The following ZP2 variants were observed in gnomAD, a reference collection of about 807,000 sequenced individuals.
ZP2 encodes zona pellucida glycoprotein 2.
In ZP2, 51 loss-of-function variants were observed where a neutral mutation model predicts 84.0. The observed-to-expected ratio is 0.61, with a 90% confidence interval of 0.49 to 0.77. ZP2 has a LOEUF of 0.77. Ranked by LOEUF, ZP2 falls within the 30% of genes least tolerant of loss-of-function variation. The probability of loss-of-function intolerance (pLI) is 0.00; values close to 1 mark genes in which losing one functional copy is unlikely to be tolerated. For synonymous variants in ZP2, 375 were observed against 330.9 expected, an observed-to-expected ratio of 1.13 and a Z score of -1.45; for missense variants, 909 against 911.9, an observed-to-expected ratio of 1.00 and a Z score of 0.04.
At position 21,210,124 on chromosome 16, in the gene ZP2, G is replaced by A; in HGVS notation, c.220C>T (p.His74Tyr). 6.2e-7 allele frequency: 1 copy of A among 1,613,988 alleles called. No homozygotes were observed. The highest frequency in any genetic ancestry group is 8.5e-7 in the Non-Finnish European group (1 of 1,179,934). Reference protein sequence around the residue: ...FPSSPGTKKWHASVVDPLGLD... With the variant: ...FPSSPGTKKWYASVVDPLGLD... ...CGTTACCTACCCACCACAGATGCAT[G>A]CCATTTCTTGGTGCCAGGACTGCTT... The change falls in exon 3 of 19, where the codon CAT becomes TAT. Residue 74 changes from histidine (H) to tyrosine (Y), a missense_variant. Coordinates refer to ENST00000574091, the MANE Select transcript of ZP2 (RefSeq NM_001376232.1).
At chr16:21,199,488 C>A in intron 16 of ZP2, 82 bp downstream of exon 16, 1 of 1,237,474 alleles carries the variant, frequency 8.1e-7, no homozygotes, top group Non-Finnish European at 1.1e-6. Context: ...ATGAGTTATA[C>A]CAGTCCTTAA....
At chr16:21,210,488 G>C (rs757510193) in intron 2 of ZP2, among the ~76,000 whole-genome samples, 1 of 152,154 alleles carries the variant, frequency 6.6e-6, no homozygotes, top group East Asian at 1.9e-4. Flanking sequence ...GCAGATGGAG[G>C]CAGGCCCGAA....
chr16:21,213,940 T>G (rs2152857300), upstream of ZP2, among the ~76,000 whole-genome samples: 1 of 152,012 alleles, frequency 6.6e-6, no homozygotes, highest in Non-Finnish European at 1.5e-5. Flanking sequence ...CTCAGAGCCC[T>G]ATTGAGAAGG....
chr16:21,209,510 C>T (rs1274450703), intron 4 of ZP2, 121 bp downstream of exon 4: 10 of 788,890 alleles, frequency 1.3e-5, no homozygotes, highest in Non-Finnish European at 1.9e-5. Flanking sequence ...ACACGAGACA[C>T]CACCCCCTTG....
chr16:21,208,091 C>T (rs1454958538), intron 4 of ZP2, among the ~76,000 whole-genome samples: 1 of 152,100 alleles, frequency 6.6e-6, no homozygotes, highest in Non-Finnish European at 1.5e-5. Flanking sequence ...GTGTTGCATG[C>T]CTGTAGCCCC....
In ZP2 at chr16:21,208,373, T is replaced by C. The variant is rs551924206; in HGVS notation, c.330+1258A>G. Among the ~76,000 whole-genome samples the C allele has an allele frequency of 3.9e-5, 6 of 152,294 alleles. No individual in the cohort carries two copies. In the East Asian group the frequency reaches 7.7e-4, roughly 20 times the overall value. ...GAAGGACCTATGATTACTTCATTGA[T>C]TGATCACAGAGGGCTTTAGGGGACC... On this transcript the variant is annotated intron_variant, in intron 4 of 18. Coordinates refer to ENST00000574091, the MANE Select transcript of ZP2 (RefSeq NM_001376232.1).
At chr16:21,199,546 G>A in intron 16 of ZP2, 24 bp downstream of exon 16, 1 of 1,546,484 alleles carries the variant, frequency 6.5e-7, no homozygotes, top group Non-Finnish European at 8.7e-7. Context: ...TAGACTCACA[G>A]AAACAGGAAT....
intron 16 of ZP2, among the ~76,000 whole-genome samples, 158 bp downstream of exon 16, chr16:21,199,412 C>T (rs16971214): frequency 0.092 from 13,854 of 150,058 alleles, 1,429 homozygotes; most frequent in African/African-American, 0.25. Flanking sequence ...AGACCTGTCA[C>T]ATGAGTAAGG....
intron 8 of ZP2, 34 bp from the exon 9 acceptor site, chr16:21,204,245 G>A: frequency 1.9e-6 from 3 of 1,613,924 alleles, no homozygotes; most frequent in Non-Finnish European, 1.7e-6. Context: ...CCCATTACCA[G>A]CCTTGATTAA....
chr16:21,211,154 G>A (rs1048428117), intron 2 of ZP2, among the ~76,000 whole-genome samples, 153 bp downstream of exon 2: 2 of 152,134 alleles, frequency 1.3e-5, no homozygotes, highest in Non-Finnish European at 2.9e-5. Context: ...GAGTCTACAG[G>A]TTAGCAGAAG....
At chr16:21,206,693 G>T in intron 5 of ZP2, 145 bp downstream of exon 5, 1 of 1,074,430 alleles carries the variant, frequency 9.3e-7, no homozygotes. Flanking sequence ...AAAGCCTCAG[G>T]GTAAAGTTAA....
At position 21,207,276 on chromosome 16, in the gene ZP2, A is replaced by G. The variant is rs74597218; in HGVS notation, c.331-286T>C. 6.0e-3 allele frequency among the ~76,000 whole-genome samples: 913 copies of G among 152,136 alleles called. 10 individuals are homozygous for G. Among genetic ancestry groups the G allele is most frequent in the Non-Finnish European group, 9.8e-3 (666 of 67,994 alleles). Reference sequence around the variant, plus strand: ...ATGGTCCTGGCTGAATGGGGTTGGTATGGGGCTTCTACCCAGGTTATCTGA... The same window carrying G: ...ATGGTCCTGGCTGAATGGGGTTGGTGTGGGGCTTCTACCCAGGTTATCTGA... On this transcript the variant is annotated intron_variant, in intron 4 of 18. Coordinates refer to ENST00000574091, the MANE Select transcript of ZP2 (RefSeq NM_001376232.1).
chr16:21,211,090 G>A (rs763045545), intron 2 of ZP2, among the ~76,000 whole-genome samples: 10 of 152,144 alleles, frequency 6.6e-5, no homozygotes, highest in Non-Finnish European at 1.5e-4. Context: ...GCTTGAGGCA[G>A]TGAGGGATTG....
At position 21,197,614 on chromosome 16, in the gene ZP2, C is replaced by T. The variant is rs199978300; in HGVS notation, c.2104G>A (p.Asp702Asn). The change falls in exon 19 of 19, where the codon GAC (aspartate) becomes AAC (asparagine). Residue 702 changes from aspartate (D) to asparagine (N), a missense_variant. Transcript: ENST00000574091. The part of the protein sequence containing the change: ...GEEVGSRGAM[D>N]TKGHKTAGDV... ...CCAGCAGTCTTGTGCCCTTTGGTGT[C>T]CATAGCACCTACAAAGGAAGCAGAC... 1.9e-5 allele frequency: 31 copies of T among 1,614,152 alleles called. No homozygotes were observed. Among genetic ancestry groups the T allele is most frequent in the Non-Finnish European group, 2.5e-5 (30 of 1,180,024 alleles).
upstream of ZP2, chr16:21,214,299 A>G (rs112065688): frequency 8.1e-4 from 802 of 985,330 alleles, 3 homozygotes; most frequent in African/African-American, 0.012. Flanking sequence ...ATCCATGTCT[A>G]GGATTCTGCT....
intron 14 of ZP2, 123 bp from the exon 15 acceptor site, chr16:21,200,001 C>A (rs2093218050): frequency 2.3e-6 from 3 of 1,277,598 alleles, no homozygotes; most frequent in Non-Finnish European, 3.3e-6. Context: ...CTTCTACCAG[C>A]ACCTTTGTTT....
chr16:21,211,228 G>A, intron 2 of ZP2, 79 bp downstream of exon 2: 1 of 1,269,784 alleles, frequency 7.9e-7, no homozygotes, highest in Non-Finnish European at 1.1e-6. Context: ...AGCCAGGCCT[G>A]TGTTTCTTGG....
chr16:21,199,797 CCT>C lies in ZP2; in HGVS notation c.1774_1775del (p.Arg592ValfsTer2). ...SSVTHPDHYQ[R>X]FDMKAFAFVS... ...CAAAGGCAAAAGCCTTCATGTCAAACCTCTGATAGTGATCAGGATGGGTCACA... is the reference window on the plus strand; with the variant it reads ...CAAAGGCAAAAGCCTTCATGTCAAACCTGATAGTGATCAGGATGGGTCACA... On this transcript the variant is annotated frameshift_variant, in exon 15 of 19. Transcript: ENST00000574091. LOFTEE classifies it high-confidence loss of function. The C allele has an allele frequency of 6.2e-7, 1 of 1,614,024 alleles. No homozygotes were observed. The highest frequency in any genetic ancestry group is 8.5e-7 in the Non-Finnish European group (1 of 1,180,032).
At chr16:21,199,489 C>T in intron 16 of ZP2, 81 bp downstream of exon 16, 8 of 1,240,800 alleles carry the variant, frequency 6.4e-6, no homozygotes, top group African/African-American at 1.5e-5. Context: ...TGAGTTATAC[C>T]AGTCCTTAAG....
Sources: gnomAD v4.1 joint callset for allele counts (sites outside exome capture counted in the v4.1 genomes callset) on GRCh38, gnomAD v4.1.1 for gene constraint, MANE v1.5 for transcripts, NCBI Gene and HGNC (gene_info 2026-07-23, HGNC 2026-07-21) for gene names.